The following SYNPR variants were observed in gnomAD, a reference collection of about 807,000 sequenced individuals.
SYNPR encodes synaptoporin.
Under a neutral mutation model 32.9 loss-of-function variants are expected in SYNPR, and 23 were observed. The observed-to-expected ratio is 0.70, with a 90% CI of 0.50 to 0.99. The LOEUF (loss-of-function observed/expected upper bound fraction) is 0.99. SYNPR is among the 50% of genes least tolerant of loss of function. The pLI, the probability that SYNPR is intolerant of heterozygous loss-of-function variation, is 0.00. For synonymous variants in SYNPR, 146 were observed against 135.9 expected (o/e 1.07, Z -0.52); for missense variants, 318 against 349.3 (o/e 0.91, Z 0.71).
chr3:63,520,192 A>C (rs1701879123), intron 3 of SYNPR, among the ~76,000 whole-genome samples: 1 of 152,154 alleles, frequency 6.6e-6, no homozygotes, highest in Non-Finnish European at 1.5e-5. Flanking sequence ...CTCATTAGCA[A>C]ATAGGTAGCT....
At chr3:63,357,377 G>A (rs1181868377) in intron 2 of SYNPR, among the ~76,000 whole-genome samples, 2 of 151,790 alleles carry the variant, frequency 1.3e-5, no homozygotes, top group South Asian at 2.1e-4. Context: ...CCTGACATTC[G>A]AATGGTTTTT....
chr3:63,460,453 A>G (rs1700562110), intron 2 of SYNPR, among the ~76,000 whole-genome samples: 1 of 151,906 alleles, frequency 6.6e-6, no homozygotes, highest in Admixed American at 6.6e-5. Flanking sequence ...CCATCAAACT[A>G]TAACCTCCTT....
chr3:63,468,935 G>A (rs977339745), intron 2 of SYNPR, among the ~76,000 whole-genome samples: 4 of 151,920 alleles, frequency 2.6e-5, no homozygotes, highest in East Asian at 1.9e-4. Context: ...ACATTTCTTT[G>A]CTTAATGACT....
At chr3:63,246,984 G>A (rs73115376) in intron 1 of SYNPR, among the ~76,000 whole-genome samples, 9,414 of 151,916 alleles carry the variant, frequency 0.062, 374 homozygotes, top group Middle Eastern at 0.085. Context: ...TTGGGTGATG[G>A]GATGATCTGT....
chr3:63,418,884 A>G (rs1176795785), intron 2 of SYNPR, among the ~76,000 whole-genome samples: 1 of 152,186 alleles, frequency 6.6e-6, no homozygotes, highest in Non-Finnish European at 1.5e-5. Flanking sequence ...TAATCTGGAA[A>G]GTCTGGTCAC....
intron 2 of SYNPR, among the ~76,000 whole-genome samples, chr3:63,320,558 G>A (rs924634132): frequency 1.3e-5 from 2 of 152,028 alleles, no homozygotes; most frequent in African/African-American, 4.8e-5. Context: ...CAGGAAGGCA[G>A]GGACCAGTTC....
At chr3:63,219,920 A>C in the SYNPR span, among the ~76,000 whole-genome samples, 10 of 152,198 alleles carry the variant, frequency 6.6e-5, no homozygotes, top group African/African-American at 2.4e-4. Flanking sequence ...AAACATCTGC[A>C]TATAAGTGGA....
intron 3 of SYNPR, among the ~76,000 whole-genome samples, chr3:63,529,561 T>A (rs909690587): frequency 2.6e-5 from 4 of 152,196 alleles, no homozygotes; most frequent in Admixed American, 2.6e-4. Context: ...AATGTGACAG[T>A]TGAACCTGAA....
chr3:63,436,035 G>A (rs968355936), intron 2 of SYNPR, among the ~76,000 whole-genome samples: 4 of 152,166 alleles, frequency 2.6e-5, no homozygotes, highest in African/African-American at 9.7e-5. Flanking sequence ...CATGGCATGT[G>A]CATGGCATAT....
chr3:63,219,020 A>G, the SYNPR span, among the ~76,000 whole-genome samples: 1 of 152,242 alleles, frequency 6.6e-6, no homozygotes, highest in Non-Finnish European at 1.5e-5. Context: ...AGTGAGAGAG[A>G]CATCTGCTTA....
At chr3:63,336,729 A>G (rs1003729286) in intron 2 of SYNPR, among the ~76,000 whole-genome samples, 1 of 152,178 alleles carries the variant, frequency 6.6e-6, no homozygotes, top group Non-Finnish European at 1.5e-5. Context: ...AGCACAATCT[A>G]TGAAAGGAAA....
upstream of SYNPR, among the ~76,000 whole-genome samples, chr3:63,276,156 A>G (rs150118109): frequency 1.3e-5 from 2 of 152,322 alleles, no homozygotes; most frequent in East Asian, 1.9e-4. Context: ...GTAGAAGGAA[A>G]TAAGTTGGCA....
At chr3:63,413,426 G>C (rs2088496101) in intron 2 of SYNPR, among the ~76,000 whole-genome samples, 2 of 152,164 alleles carry the variant, frequency 1.3e-5, no homozygotes, top group Admixed American at 1.3e-4. Context: ...GTAAATAATT[G>C]AGAAAGAATT....
chr3:63,250,684 A>G (rs950971373), intron 1 of SYNPR, among the ~76,000 whole-genome samples: 1 of 152,172 alleles, frequency 6.6e-6, no homozygotes. Context: ...GCTTAAATTT[A>G]AAGATGAGGA....
intron 2 of SYNPR, among the ~76,000 whole-genome samples, chr3:63,479,175 C>G (rs1245033691): frequency 1.3e-5 from 2 of 152,184 alleles, no homozygotes; most frequent in African/African-American, 2.4e-5. Context: ...TGTTGGCTCA[C>G]TGGGGCAGAC....
intron 3 of SYNPR, among the ~76,000 whole-genome samples, chr3:63,272,087 G>T (rs749673210): frequency 1.3e-5 from 2 of 152,028 alleles, no homozygotes; most frequent in South Asian, 2.1e-4. Context: ...AACCACACAG[G>T]GTGTTAATAT....
intron 2 of SYNPR, among the ~76,000 whole-genome samples, chr3:63,404,421 A>G (rs561020375): frequency 6.6e-6 from 1 of 152,218 alleles, no homozygotes; most frequent in Non-Finnish European, 1.5e-5. Context: ...AAGGAAAATC[A>G]TAAAAAATGT....
chr3:63,568,757 A>G (rs1702837084), intron 4 of SYNPR, among the ~76,000 whole-genome samples: 1 of 152,172 alleles, frequency 6.6e-6, no homozygotes, highest in Non-Finnish European at 1.5e-5. Context: ...AAGGCTTACC[A>G]AGAAGAAATT....
chr3:63,558,496 C>T (rs1311937685), intron 4 of SYNPR, among the ~76,000 whole-genome samples: 1 of 152,016 alleles, frequency 6.6e-6, no homozygotes, highest in Non-Finnish European at 1.5e-5. Context: ...CCACACCCAG[C>T]TAGTTTTTGT....
Sources: gnomAD v4.1 joint callset for allele counts (sites outside exome capture counted in the v4.1 genomes callset) on GRCh38, gnomAD v4.1.1 for gene constraint, MANE v1.5 for transcripts, NCBI Gene and HGNC (gene_info 2026-07-23, HGNC 2026-07-21) for gene names.